SLC4A4: variants seen among roughly 807,000 people sequenced by gnomAD.
SLC4A4 encodes electrogenic sodium bicarbonate cotransporter 1.
A neutral mutation model predicts 111.5 loss-of-function variants in SLC4A4; 27 were observed. The ratio of observed to expected loss-of-function variants is 0.24; its 90% CI spans 0.18 to 0.33. SLC4A4 has a LOEUF of 0.33. Ranked by LOEUF, SLC4A4 falls within the 10% of genes least tolerant of loss-of-function variation. The pLI is 1.00. For synonymous variants in SLC4A4, 443 were observed against 463.4 expected, an observed-to-expected ratio of 0.96 and a Z score of 0.57; for missense variants, 909 against 1,315.5, an observed-to-expected ratio of 0.69 and a Z score of 4.78.
At chr4:71,172,401 A>T (rs1261000090) in intron 2 of SLC4A4, among the ~76,000 whole-genome samples, 1 of 151,984 alleles carries the variant, frequency 6.6e-6, no homozygotes, top group Non-Finnish European at 1.5e-5. Flanking sequence ...GATTACAGGC[A>T]CATGCCACCA....
chr4:71,109,141 G>C (rs1051338143), intron 2 of SLC4A4, among the ~76,000 whole-genome samples: 1 of 152,116 alleles, frequency 6.6e-6, no homozygotes, highest in African/African-American at 2.4e-5. Flanking sequence ...AGGGTTTGCT[G>C]TTTTTGTTTT....
intron 17 of SLC4A4, among the ~76,000 whole-genome samples, chr4:71,533,182 C>T (rs995001443): frequency 1.3e-5 from 2 of 152,260 alleles, no homozygotes; most frequent in South Asian, 4.1e-4. Flanking sequence ...TGAATTGTCT[C>T]TGCTATCACA....
At chr4:71,227,515 G>A (rs977526004) in intron 1 of SLC4A4, among the ~76,000 whole-genome samples, 3 of 152,180 alleles carry the variant, frequency 2.0e-5, no homozygotes, top group Non-Finnish European at 4.4e-5. Flanking sequence ...GCATTTTGGG[G>A]CATCCACTGA....
In SLC4A4 at chr4:71,088,753, G is replaced by C. The variant is rs184427055; in HGVS notation, c.-64-3977G>C. 6.0e-3 allele frequency among the ~76,000 whole-genome samples: 906 copies of C among 152,012 alleles called. 36 individuals carry two copies. Among genetic ancestry groups the C allele is most frequent in the Admixed American group, 0.053 (811 of 15,226 alleles). ...TGGCCCCCACTCTCTTCTGGCTTGT[G>C]AAGTTTCTGCCGAGAGATCAGCTGT... On this transcript the variant is annotated intron_variant, in intron 1 of 26. Coordinates refer to the SLC4A4 transcript ENST00000649996.
intron 2 of SLC4A4, among the ~76,000 whole-genome samples, chr4:71,170,082 C>T (rs1578546974): frequency 6.6e-6 from 1 of 152,224 alleles, no homozygotes; most frequent in African/African-American, 2.4e-5. Context: ...TGGCTGGATC[C>T]TTTAACGTGA....
chr4:71,378,410 A>C (rs903256414), intron 6 of SLC4A4, among the ~76,000 whole-genome samples: 1 of 152,202 alleles, frequency 6.6e-6, no homozygotes, highest in Non-Finnish European at 1.5e-5. Flanking sequence ...GGCTTTTCAC[A>C]TAATGAGGGA....
intron 1 of SLC4A4, 115 bp from the exon 2 acceptor site, chr4:71,236,461 G>A: frequency 1.1e-6 from 1 of 933,058 alleles, no homozygotes; most frequent in South Asian, 1.4e-5. Context: ...GAGTGACTCT[G>A]CCCTGCTAAC....
chr4:71,320,448 A>G (rs1727032026), intron 3 of SLC4A4, among the ~76,000 whole-genome samples: 1 of 151,988 alleles, frequency 6.6e-6, no homozygotes, highest in African/African-American at 2.4e-5. Context: ...CTGCATTTGT[A>G]GGAGTTCCCT....
intron 2 of SLC4A4, among the ~76,000 whole-genome samples, chr4:71,128,257 G>T (rs1743610904): frequency 6.6e-6 from 1 of 152,170 alleles, no homozygotes; most frequent in South Asian, 2.1e-4. Context: ...GAGAGTGTTT[G>T]TGTGGAGAAA....
chr4:71,185,665 A>C (rs1745428847), upstream of SLC4A4, among the ~76,000 whole-genome samples: 1 of 152,206 alleles, frequency 6.6e-6, no homozygotes, highest in Non-Finnish European at 1.5e-5. Flanking sequence ...CACAGGCTCC[A>C]TACCTGCTTT....
At chr4:71,471,410 C>A (rs1025199245) in intron 13 of SLC4A4, among the ~76,000 whole-genome samples, 1 of 151,694 alleles carries the variant, frequency 6.6e-6, no homozygotes, top group African/African-American at 2.4e-5. Context: ...GTAAGGATAT[C>A]AATGAGGGGG....
intron 3 of SLC4A4, among the ~76,000 whole-genome samples, chr4:71,287,299 T>C (rs762290931): frequency 6.6e-6 from 1 of 152,180 alleles, no homozygotes; most frequent in Non-Finnish European, 1.5e-5. Flanking sequence ...TGAAATGAAA[T>C]ACAATTGTGC....
intron 16 of SLC4A4, among the ~76,000 whole-genome samples, chr4:71,506,516 T>A (rs1204860761): frequency 6.6e-6 from 1 of 152,216 alleles, no homozygotes; most frequent in Admixed American, 6.5e-5. Context: ...AAAGTAATGC[T>A]AGTGAGTTTT....
chr4:71,102,018 T>A (rs530441975), intron 2 of SLC4A4, among the ~76,000 whole-genome samples: 1 of 150,462 alleles, frequency 6.6e-6, no homozygotes, highest in African/African-American at 2.4e-5. Flanking sequence ...AGTTGAAAAC[T>A]TTGAAAAAAA....
intron 2 of SLC4A4, among the ~76,000 whole-genome samples, chr4:71,110,602 G>T (rs181019595): frequency 2.7e-4 from 41 of 152,256 alleles, no homozygotes; most frequent in African/African-American, 9.9e-4. Context: ...ATGGATCCTT[G>T]TTCTTGCCTA....
chr4:71,442,793 G>A (rs1160014082), intron 8 of SLC4A4, among the ~76,000 whole-genome samples: 2 of 151,962 alleles, frequency 1.3e-5, no homozygotes, highest in Non-Finnish European at 2.9e-5. Flanking sequence ...TTACTACCAT[G>A]CACCTTCTAG....
intron 2 of SLC4A4, among the ~76,000 whole-genome samples, chr4:71,112,779 T>A (rs1349907094): frequency 2.0e-5 from 3 of 152,232 alleles, no homozygotes; most frequent in Non-Finnish European, 4.4e-5. Flanking sequence ...GTGATTCTAG[T>A]GTTCCTGGTT....
intron 16 of SLC4A4, among the ~76,000 whole-genome samples, chr4:71,502,241 G>A (rs1480167426): frequency 1.3e-5 from 2 of 152,214 alleles, no homozygotes; most frequent in East Asian, 1.9e-4. Context: ...GATTACTGGC[G>A]AGAGCCACTG....
chr4:71,077,925 T>C (rs147425763), intron 1 of SLC4A4, among the ~76,000 whole-genome samples: 2,039 of 152,332 alleles, frequency 0.013, 36 homozygotes, highest in East Asian at 0.045. Flanking sequence ...TGGCTAAATA[T>C]ACATTTTTTA....
Sources: allele counts gnomAD v4.1 joint callset (sites outside exome capture counted in the v4.1 genomes callset), GRCh38; gene constraint gnomAD v4.1.1; transcripts MANE v1.5; gene names NCBI Gene and HGNC (gene_info 2026-07-23, HGNC 2026-07-21).